NALCN: variants seen among roughly 807,000 people sequenced by gnomAD.
NALCN encodes sodium leak channel, non-selective, also known as sodium leak channel NALCN.
Under a neutral mutation model 225.3 loss-of-function variants are expected in NALCN, and 111 were observed. That is an observed-to-expected ratio of 0.49 (90% confidence interval 0.42 to 0.58). The LOEUF (loss-of-function observed/expected upper bound fraction) is 0.58, where lower values mean the gene tolerates loss of function less well. Ranked by LOEUF, NALCN falls within the 20% of genes least tolerant of loss-of-function variation. The pLI is 0.00. For missense variants in NALCN, 1,378 were observed against 2,202.4 expected (o/e 0.63, Z 7.49); for synonymous variants, 764 against 769.0 (o/e 0.99, Z 0.11).
chr13:101,181,307 T>A (rs1407017652), intron 14 of NALCN: 1 of 518,730 alleles, frequency 1.9e-6, no homozygotes, highest in Non-Finnish European at 3.8e-6. Flanking sequence ...GCGTCTTGAG[T>A]GCCACAGAGG....
chr13:101,218,881 T>C (rs1174328304), intron 13 of NALCN, among the ~76,000 whole-genome samples: 1 of 152,146 alleles, frequency 6.6e-6, no homozygotes, highest in Non-Finnish European at 1.5e-5. Flanking sequence ...TTCTTTGTAA[T>C]TACCCAGTCT....
intron 6 of NALCN, among the ~76,000 whole-genome samples, chr13:101,366,610 G>A (rs114507809): frequency 1.3e-5 from 2 of 152,130 alleles, no homozygotes; most frequent in Admixed American, 6.5e-5. Flanking sequence ...TATGTGACTC[G>A]GAGATGTGTA....
chr13:101,163,103 A>G (rs2038266027), intron 15 of NALCN, among the ~76,000 whole-genome samples: 1 of 152,124 alleles, frequency 6.6e-6, no homozygotes, highest in Non-Finnish European at 1.5e-5. Flanking sequence ...GGGTTTCACC[A>G]TATTGGCCAG....
At chr13:101,196,726 T>C (rs1185608114) in intron 13 of NALCN, among the ~76,000 whole-genome samples, 1 of 152,136 alleles carries the variant, frequency 6.6e-6, no homozygotes, top group Non-Finnish European at 1.5e-5. Flanking sequence ...GTTCAGGAAA[T>C]CTTTATTGCA....
At chr13:101,146,998 G>T (rs116207937) in intron 15 of NALCN, among the ~76,000 whole-genome samples, 8 of 152,186 alleles carry the variant, frequency 5.3e-5, no homozygotes, top group African/African-American at 1.7e-4. Context: ...ATAGACACAC[G>T]TGGTCAGAAG....
At position 101,093,422 on chromosome 13, in the gene NALCN, T is replaced by A. The variant is rs2034337861; in HGVS notation, c.3269+2152A>T. The stretch of plus-strand genomic sequence containing the variant: ...ACTTAAGAAGGAAAGTGTAAAAAGT[T>A]ATCATGGTTACAGATGACATTTATT... On this transcript the variant is annotated intron_variant, in intron 28 of 43. Coordinates refer to ENST00000251127, the MANE Select transcript of NALCN (RefSeq NM_052867.4). 3.3e-5 allele frequency among the ~76,000 whole-genome samples: 5 copies of A among 152,198 alleles called. No homozygotes were observed. In the South Asian group the frequency reaches 1.0e-3, roughly 32 times the overall value.
In NALCN at chr13:101,065,491, T is replaced by C. The variant is rs1318563373; in HGVS notation, c.4517A>G (p.Asp1506Gly). 3.1e-6 allele frequency: 5 copies of C among 1,614,168 alleles called. No homozygotes were observed. The highest frequency in any genetic ancestry group is 4.2e-6 in the Non-Finnish European group (5 of 1,180,024). ...LLRGRLEVDL[D>G]KDKLLFKHMC... ...GTGCTTAAACAGGAGCTTGTCCTTG[T>C]CCAGGTCCACCTCCAGCCTCCCACG... The change falls in exon 40 of 44, where the codon GAC (aspartate) becomes GGC (glycine). Residue 1506 changes from aspartate (D) to glycine (G), a missense_variant. By Grantham distance (94) the Asp-to-Gly change is moderately conservative (BLOSUM62 -1). Transcript: ENST00000251127.
intron 7 of NALCN, among the ~76,000 whole-genome samples, chr13:101,305,487 T>A (rs1488231329): frequency 6.6e-6 from 1 of 152,224 alleles, no homozygotes; most frequent in African/African-American, 2.4e-5. Context: ...ATTTGGCCTA[T>A]TTAATTTTTC....
intron 18 of NALCN, among the ~76,000 whole-genome samples, chr13:101,115,127 C>T (rs753730246): frequency 4.6e-5 from 7 of 151,962 alleles, no homozygotes; most frequent in Non-Finnish European, 8.8e-5. Flanking sequence ...AAAATAATCA[C>T]GGACAAAACA....
At chr13:101,202,584 T>C (rs1302389224) in intron 13 of NALCN, among the ~76,000 whole-genome samples, 1 of 152,154 alleles carries the variant, frequency 6.6e-6, no homozygotes. Context: ...AGGAAAAATA[T>C]CGATTCCTAG....
chr13:101,416,379 C>A lies in NALCN; in HGVS notation c.-106G>T. ...GGCGGCGGCGGCGACAGTGGGCGAC[C>A]GGCAGGATCAGTGCCAGGCGCGGCG... On this transcript the variant is annotated 5_prime_UTR_variant, in exon 1 of 44. Transcript: ENST00000251127. 6.5e-6 allele frequency: 1 copy of A among 153,578 alleles called. No individual in the cohort carries two copies. The highest frequency in any genetic ancestry group is 1.9e-4 in the South Asian group (1 of 5,258). 9.5% of individuals were successfully genotyped at this position (153,578 alleles called of 1,614,324 possible).
At chr13:101,090,159 C>T (rs564964752) in intron 28 of NALCN, among the ~76,000 whole-genome samples, 193 bp from the exon 29 acceptor site, 12 of 151,976 alleles carry the variant, frequency 7.9e-5, no homozygotes, top group Non-Finnish European at 1.3e-4. Flanking sequence ...CACATTTTTA[C>T]GCTATATGGC....
Position 101,055,455 on chromosome 13 carries a change from A to G in NALCN, c.5057T>C (p.Val1686Ala). 1 of 1,614,118 alleles carries G rather than the reference A, an allele frequency of 6.2e-7. No individual in the cohort carries two copies. The highest frequency in any genetic ancestry group is 8.5e-7 in the Non-Finnish European group (1 of 1,180,010). Residue 1686 changes from valine to alanine, a missense_variant, in exon 44 of 44, where the codon GTC becomes GCC. This residue lies in a region of NALCN where 145 missense variants were observed against 169.6 expected (regional missense o/e 0.85). Transcript: ENST00000251127. ...TGTCCTTCCTCCAAACCGTAAGTTG[A>G]CTGAGGACACTGAATGGCTTATTGG... ...PKPISHSVSS[V>A]NLRFGGRTTM...
chr13:101,147,607 T>C (rs2139808781), intron 15 of NALCN, among the ~76,000 whole-genome samples: 1 of 152,288 alleles, frequency 6.6e-6, no homozygotes, highest in South Asian at 2.1e-4. Flanking sequence ...TCTTGCAATG[T>C]TGCCCAGGCT....
intron 6 of NALCN, among the ~76,000 whole-genome samples, chr13:101,360,645 G>A (rs1247014704): frequency 2.0e-5 from 3 of 152,116 alleles, no homozygotes; most frequent in Non-Finnish European, 2.9e-5. Context: ...TGCCCCTGAC[G>A]ACTCCAACCA....
At chr13:101,372,086 G>GCATC (rs894319162) in intron 6 of NALCN, among the ~76,000 whole-genome samples, 5 of 152,156 alleles carry the variant, frequency 3.3e-5, no homozygotes, top group African/African-American at 1.2e-4. Context: ...ATATACCCTG[G>GCATC]CATCCCGAAG....
At chr13:101,122,964 C>G (rs1419468498) in intron 18 of NALCN, among the ~76,000 whole-genome samples, 2 of 152,172 alleles carry the variant, frequency 1.3e-5, no homozygotes, top group African/African-American at 2.4e-5. Context: ...CTTGGCAACC[C>G]AGAGGATTTT....
chr13:101,141,243 C>A (rs1394863953), intron 17 of NALCN, among the ~76,000 whole-genome samples: 1 of 152,064 alleles, frequency 6.6e-6, no homozygotes, highest in Non-Finnish European at 1.5e-5. Context: ...CTAGTTGGAG[C>A]AGTTCTGATG....
At chr13:101,137,692 T>C (rs1369620096) in intron 17 of NALCN, among the ~76,000 whole-genome samples, 2 of 152,168 alleles carry the variant, frequency 1.3e-5, no homozygotes. Context: ...GTAATTAATA[T>C]ATTGCACTCA....
Sources: allele counts gnomAD v4.1 joint callset (sites outside exome capture counted in the v4.1 genomes callset), GRCh38; gene constraint gnomAD v4.1.1; regional missense constraint gnomAD v4.1.1; transcripts MANE v1.5; gene names NCBI Gene and HGNC (gene_info 2026-07-23, HGNC 2026-07-21).